Variants in CDCA2 observed in about 807,000 individuals in gnomAD.
CDCA2 encodes the protein cell division cycle-associated protein 2.
Under a neutral mutation model 67.0 loss-of-function variants are expected in CDCA2, and 44 were observed. The ratio of observed to expected loss-of-function variants is 0.66; its 90% CI spans 0.52 to 0.84. CDCA2 has a LOEUF of 0.84. Among genes scored for constraint, CDCA2 ranks in the 40% least tolerant of loss-of-function variants. The pLI is 0.00. For missense variants in CDCA2, 1,253 were observed against 1,203.2 expected (o/e 1.04, Z -0.61); for synonymous variants, 447 against 418.7 (o/e 1.07, Z -0.82).
chr8:25,484,321 T>C, intron 10 of CDCA2, 111 bp downstream of exon 10: 3 of 1,362,670 alleles, frequency 2.2e-6, no homozygotes, highest in African/African-American at 1.5e-5. Context: ...CTAAATGATA[T>C]GCCATGGTTT....
At chr8:25,483,291 T>C in intron 8 of CDCA2, 108 bp from the exon 9 acceptor site, 1 of 567,814 alleles carries the variant, frequency 1.8e-6, no homozygotes, top group Non-Finnish European at 3.0e-6. Flanking sequence ...TCTTTAATAC[T>C]GGAATATCTA....
intron 13 of CDCA2, among the ~76,000 whole-genome samples, chr8:25,492,386 C>G (rs1804046802): frequency 6.6e-6 from 1 of 152,170 alleles, no homozygotes; most frequent in African/African-American, 2.4e-5. Context: ...TGTAGCTGTT[C>G]AGCCAGCCTA....
At chr8:25,486,474 T>A (rs11783915) in intron 11 of CDCA2, among the ~76,000 whole-genome samples, 83,316 of 151,982 alleles carry the variant, frequency 0.55, 24,386 homozygotes, top group Middle Eastern at 0.66. Context: ...CCAAAGGCCA[T>A]ACCCTTAAAC....
chr8:25,498,724 T>C (rs973147622), intron 13 of CDCA2, among the ~76,000 whole-genome samples: 14 of 151,984 alleles, frequency 9.2e-5, no homozygotes, highest in Non-Finnish European at 2.1e-4. Flanking sequence ...TTCCTACCCA[T>C]AACCCCGCCT....
intron 13 of CDCA2, among the ~76,000 whole-genome samples, chr8:25,497,499 T>TAA (rs1563281762): frequency 1.9e-4 from 23 of 122,656 alleles, no homozygotes; most frequent in East Asian, 1.4e-3. Flanking sequence ...CTTTAAAAAA[T>TAA]AAAAAATAAA....
At chr8:25,495,041 T>G (rs543375553) in intron 13 of CDCA2, among the ~76,000 whole-genome samples, 19 of 152,206 alleles carry the variant, frequency 1.2e-4, no homozygotes, top group African/African-American at 4.3e-4. Flanking sequence ...CTACCTAGTT[T>G]GTGACATTTT....
intron 3 of CDCA2, 53 bp downstream of exon 3, chr8:25,460,607 T>C (rs568661616): frequency 1.9e-6 from 3 of 1,539,510 alleles, no homozygotes; most frequent in East Asian, 4.5e-5. Context: ...AAAATAACTT[T>C]AATATAACTC....
chr8:25,490,660 T>G (rs1262978672), intron 13 of CDCA2, among the ~76,000 whole-genome samples: 1 of 152,076 alleles, frequency 6.6e-6, no homozygotes, highest in African/African-American at 2.4e-5. Context: ...GTGGGACAGT[T>G]TGCACCAGTT....
Position 25,461,319 on chromosome 8 carries a change from T to C in CDCA2, c.233-735T>C, listed in dbSNP as rs1268260323. On this transcript the variant is annotated intron_variant, in intron 3 of 14. Transcript: ENST00000330560. ...CAAACAGAAGATTGATTCTGGCTAATGTCCTTCGAGCAGTAGAAATGAAGT... is the reference window on the plus strand; with the variant it reads ...CAAACAGAAGATTGATTCTGGCTAACGTCCTTCGAGCAGTAGAAATGAAGT... Among the ~76,000 whole-genome samples the C allele has an allele frequency of 2.7e-5, 4 of 149,422 alleles. No individual in the cohort carries two copies. The Middle Eastern group carries it at 0.011, about 400-fold the overall frequency.
At chr8:25,472,026 C>T (rs1017717988) in intron 7 of CDCA2, 1 of 152,202 alleles carries the variant, frequency 6.6e-6, no homozygotes, top group Non-Finnish European at 1.5e-5. Context: ...AATCAAATGT[C>T]TCTTTGTTAA....
chr8:25,469,826 C>A, intron 6 of CDCA2, 70 bp from the exon 7 acceptor site: 1 of 923,562 alleles, frequency 1.1e-6, no homozygotes. Flanking sequence ...AATGTTTACT[C>A]AAATCTTCAA....
At chr8:25,481,416 C>A (rs902629646) in intron 8 of CDCA2, among the ~76,000 whole-genome samples, 2 of 152,092 alleles carry the variant, frequency 1.3e-5, no homozygotes, top group Non-Finnish European at 2.9e-5. Flanking sequence ...ACTGGCCGGG[C>A]GTGGTGGCTT....
chr8:25,483,887 A>G, intron 9 of CDCA2, 79 bp from the exon 10 acceptor site: 1 of 1,235,446 alleles, frequency 8.1e-7, no homozygotes, highest in South Asian at 1.4e-5. Flanking sequence ...TTATCACATT[A>G]AAAGATTCTA....
chr8:25,467,065 A>C (rs866597123), intron 5 of CDCA2, among the ~76,000 whole-genome samples: 6 of 126,250 alleles, frequency 4.8e-5, no homozygotes, highest in Non-Finnish European at 6.4e-5. Flanking sequence ...AAAAAAAAAA[A>C]ACACACACAC....
chr8:25,480,429 T>TATAATTTATTGATTCATAA (rs1803525471), intron 8 of CDCA2, among the ~76,000 whole-genome samples: 1 of 152,162 alleles, frequency 6.6e-6, no homozygotes, highest in Non-Finnish European at 1.5e-5. Flanking sequence ...TATTGATTCA[T>TATAATTTATTGATTCATAA]TTTATATAAT....
intron 13 of CDCA2, among the ~76,000 whole-genome samples, chr8:25,497,471 C>T (rs1586523715): frequency 1.5e-5 from 2 of 137,690 alleles, no homozygotes; most frequent in African/African-American, 5.7e-5. Flanking sequence ...ACAAGAAGAT[C>T]TTACTTACAT....
chr8:25,466,012 G>A (rs1802885083), intron 4 of CDCA2, among the ~76,000 whole-genome samples, 163 bp from the exon 5 acceptor site: 1 of 152,110 alleles, frequency 6.6e-6, no homozygotes, highest in Admixed American at 6.6e-5. Context: ...ACTGAAAATG[G>A]GTAATTCCAG....
chr8:25,497,741 G>A (rs1448730073), intron 13 of CDCA2, among the ~76,000 whole-genome samples: 2 of 152,152 alleles, frequency 1.3e-5, no homozygotes, highest in Non-Finnish European at 2.9e-5. Context: ...ATTATGTGAA[G>A]TGGTGGATAT....
At chr8:25,493,170 TAA>T (rs1400911773) in intron 13 of CDCA2, among the ~76,000 whole-genome samples, 1 of 152,170 alleles carries the variant, frequency 6.6e-6, no homozygotes, top group Non-Finnish European at 1.5e-5. Context: ...AATAGAAATA[TAA>T]AAGTTCAATG....
Sources: allele counts gnomAD v4.1 joint callset (sites outside exome capture counted in the v4.1 genomes callset), GRCh38; gene constraint gnomAD v4.1.1; transcripts MANE v1.5; gene names NCBI Gene and HGNC (gene_info 2026-07-23, HGNC 2026-07-21).